The following C8orf34 variants were observed in gnomAD, a reference collection of about 807,000 sequenced individuals.
The protein encoded by C8orf34 is uncharacterized protein C8orf34.
Under a neutral mutation model 68.3 loss-of-function variants are expected in C8orf34, and 65 were observed. The ratio of observed to expected loss-of-function variants is 0.95; its 90% CI spans 0.78 to 1.17. The LOEUF (loss-of-function observed/expected upper bound fraction) is 1.17, where lower values mean the gene tolerates loss of function less well. Ranked by LOEUF, C8orf34 falls within the 50% of genes most tolerant of loss-of-function variation. The probability of loss-of-function intolerance (pLI) is 0.00; values close to 1 mark genes in which losing one functional copy is unlikely to be tolerated. For synonymous variants in C8orf34, 244 were observed against 241.2 expected, an observed-to-expected ratio of 1.01 and a Z score of -0.11; for missense variants, 664 against 655.4, an observed-to-expected ratio of 1.01 and a Z score of -0.14.
At chr8:68,445,886 T>C (rs1446847816) in intron 2 of C8orf34, among the ~76,000 whole-genome samples, 1 of 152,084 alleles carries the variant, frequency 6.6e-6, no homozygotes, top group East Asian at 1.9e-4. Flanking sequence ...GCCTTCCGGG[T>C]TCAAGTAATT....
chr8:68,445,711 A>G (rs1346989043), intron 2 of C8orf34, among the ~76,000 whole-genome samples: 1 of 152,232 alleles, frequency 6.6e-6, no homozygotes, highest in Admixed American at 6.5e-5. Flanking sequence ...TATTTACAAC[A>G]GAATACCATG....
intron 7 of C8orf34, chr8:68,625,537 G>A (rs1274149900): frequency 1.5e-6 from 1 of 680,948 alleles, no homozygotes; most frequent in South Asian, 1.6e-5. Context: ...GAAGTGTAAG[G>A]GATGAGAACA....
At chr8:68,650,242 G>A (rs1489066051) in intron 8 of C8orf34, among the ~76,000 whole-genome samples, 1 of 151,948 alleles carries the variant, frequency 6.6e-6, no homozygotes, top group Non-Finnish European at 1.5e-5. Flanking sequence ...TTAGGATGCC[G>A]ACACACCAGA....
intron 3 of C8orf34, chr8:68,447,487 A>T (rs979882402): frequency 6.6e-6 from 1 of 152,216 alleles, no homozygotes; most frequent in African/African-American, 2.4e-5. Flanking sequence ...AGCCTCTAGC[A>T]AATCACAGCT....
chr8:68,798,734 C>T (rs58327881), intron 12 of C8orf34, among the ~76,000 whole-genome samples: 44,847 of 151,928 alleles, frequency 0.3, 7,359 homozygotes, highest in African/African-American at 0.44. Flanking sequence ...GGGCAAATGC[C>T]TCTGAATCAT....
intron 8 of C8orf34, among the ~76,000 whole-genome samples, chr8:68,687,737 T>A (rs1054372945): frequency 6.6e-6 from 1 of 151,666 alleles, no homozygotes; most frequent in Admixed American, 6.6e-5. Flanking sequence ...TAAAAGCAAA[T>A]GCAAAGAAAA....
At chr8:68,754,792 A>G (rs1055835434) in intron 10 of C8orf34, among the ~76,000 whole-genome samples, 1 of 152,238 alleles carries the variant, frequency 6.6e-6, no homozygotes, top group Non-Finnish European at 1.5e-5. Context: ...AGAATTGTTT[A>G]TATAAAATGT....
intron 1 of C8orf34, among the ~76,000 whole-genome samples, chr8:68,376,167 C>A (rs1301098249): frequency 1.0e-5 from 1 of 100,050 alleles, no homozygotes; most frequent in East Asian, 2.6e-4. Flanking sequence ...ATCATATGGC[C>A]TGTCAGAAAA....
chr8:68,620,777 G>T (rs1261438496), intron 7 of C8orf34, among the ~76,000 whole-genome samples: 1 of 150,424 alleles, frequency 6.6e-6, no homozygotes, highest in Admixed American at 6.6e-5. Context: ...CATTAATTTA[G>T]TTTTAGCTTT....
chr8:68,547,778 A>G (rs71517428), intron 7 of C8orf34, among the ~76,000 whole-genome samples: 3,129 of 151,822 alleles, frequency 0.021, 55 homozygotes, highest in South Asian at 0.041. Flanking sequence ...CATCAGTGGA[A>G]TTATAGGATC....
intron 10 of C8orf34, among the ~76,000 whole-genome samples, chr8:68,737,574 A>G (rs1270069015): frequency 6.6e-6 from 1 of 152,104 alleles, no homozygotes; most frequent in East Asian, 1.9e-4. Flanking sequence ...GGCATGGAGA[A>G]AAATCTACCA....
intron 7 of C8orf34, chr8:68,535,721 C>T: frequency 3.3e-6 from 3 of 912,468 alleles, no homozygotes; most frequent in Non-Finnish European, 3.9e-6. Flanking sequence ...TTAAGTAGAT[C>T]AAATATTTTC....
intron 8 of C8orf34, among the ~76,000 whole-genome samples, chr8:68,702,288 CT>C (rs1821040875): frequency 6.6e-6 from 1 of 152,082 alleles, no homozygotes; most frequent in Admixed American, 6.6e-5. Context: ...CCCAAATACC[CT>C]CCTAGATTTT....
At chr8:68,419,491 G>A (rs1020860642) in intron 1 of C8orf34, among the ~76,000 whole-genome samples, 2 of 151,700 alleles carry the variant, frequency 1.3e-5, no homozygotes, top group South Asian at 2.1e-4. Context: ...TATACCCAAA[G>A]GACTATAAAT....
At chr8:68,800,122 T>C (rs1239837836) in intron 12 of C8orf34, among the ~76,000 whole-genome samples, 3 of 152,122 alleles carry the variant, frequency 2.0e-5, no homozygotes, top group Admixed American at 6.6e-5. Context: ...GAAGTGTGAA[T>C]TGATTAAGTA....
intron 7 of C8orf34, among the ~76,000 whole-genome samples, chr8:68,552,337 T>A (rs1025412874): frequency 6.6e-6 from 1 of 152,200 alleles, no homozygotes; most frequent in Non-Finnish European, 1.5e-5. Flanking sequence ...ACATGCAATA[T>A]CTTTCCAATT....
In C8orf34 at chr8:68,661,079, C is replaced by T. The variant is rs746588106; in HGVS notation, c.1241+20568C>T. 2.6e-5 allele frequency among the ~76,000 whole-genome samples: 4 copies of T among 152,240 alleles called. 1 individual carries two copies. In the South Asian group the frequency reaches 6.2e-4, roughly 24 times the overall value. Reference sequence around the variant, plus strand: ...GCATGTGGTGCGAGGAGACAGTGAGCGAGAATTGCTAGCCAGCTGGCCACG... The same window carrying T: ...GCATGTGGTGCGAGGAGACAGTGAGTGAGAATTGCTAGCCAGCTGGCCACG... On this transcript the variant is annotated intron_variant, in intron 8 of 13. Transcript: ENST00000518698.
chr8:68,568,936 A>C (rs575845281), intron 7 of C8orf34, among the ~76,000 whole-genome samples: 2 of 152,340 alleles, frequency 1.3e-5, no homozygotes, highest in South Asian at 4.1e-4. Context: ...ACAGATAATA[A>C]GGAAACAAGT....
intron 1 of C8orf34, among the ~76,000 whole-genome samples, chr8:68,336,711 G>A (rs991517734): frequency 6.6e-6 from 1 of 152,122 alleles, no homozygotes; most frequent in Admixed American, 6.5e-5. Flanking sequence ...TCCACATTTT[G>A]GTTTCTAAAT....
Sources: allele counts gnomAD v4.1 joint callset (sites outside exome capture counted in the v4.1 genomes callset), GRCh38; gene constraint gnomAD v4.1.1; transcripts MANE v1.5; gene names NCBI Gene and HGNC (gene_info 2026-07-23, HGNC 2026-07-21).